The following ARHGEF4 variants were observed in gnomAD, a reference collection of about 807,000 sequenced individuals.
ARHGEF4 encodes Rho guanine nucleotide exchange factor 4.
ARHGEF4 carries 119 observed loss-of-function variants against 162.0 expected under a neutral mutation model. That is an observed-to-expected ratio of 0.73 (90% CI 0.63 to 0.86). ARHGEF4 has a LOEUF of 0.86. Among genes scored for constraint, ARHGEF4 ranks in the 40% least tolerant of loss-of-function variants. The pLI is 0.00. For synonymous variants in ARHGEF4, 1,014 were observed against 979.9 expected (o/e 1.03, Z -0.65); for missense variants, 2,488 against 2,456.0 (o/e 1.01, Z -0.28).
chr2:130,921,122 T>C (rs1016124586), intron 2 of ARHGEF4, among the ~76,000 whole-genome samples: 1 of 152,176 alleles, frequency 6.6e-6, no homozygotes, highest in Non-Finnish European at 1.5e-5. Flanking sequence ...GTGGCCTGTT[T>C]TGAGGTTTAT....
chr2:130,931,272 G>T lies in ARHGEF4; in HGVS notation c.3858+15G>T, dbSNP rs373384988. 197 of 1,584,612 alleles carry T rather than the reference G, an allele frequency of 1.2e-4. No homozygotes were observed. Among genetic ancestry groups the T allele is most frequent in the Non-Finnish European group, 1.6e-4 (189 of 1,162,822 alleles). On this transcript the variant is annotated intron_variant, in intron 3 of 13. Transcript: ENST00000409359. The stretch of plus-strand genomic sequence containing the variant: ...ATGGAGTCAAGGTAAGCCACTCCCG[G>T]CCAGGAGTCCTCAGACTTGGTCTGG...
chr2:130,868,407 A>C (rs912772515), intron 1 of ARHGEF4, among the ~76,000 whole-genome samples: 5 of 142,460 alleles, frequency 3.5e-5, no homozygotes, highest in African/African-American at 5.2e-5. Flanking sequence ...AAAGGAGAGA[A>C]CACTTCCCAG....
intron 5 of ARHGEF4, among the ~76,000 whole-genome samples, chr2:131,028,806 C>A (rs1316114498): frequency 1.3e-5 from 2 of 152,200 alleles, no homozygotes; most frequent in Non-Finnish European, 2.9e-5. Context: ...TAGCAAATGC[C>A]ATGTTCTCTA....
intron 4 of ARHGEF4, among the ~76,000 whole-genome samples, chr2:130,994,359 G>A (rs1309449997): frequency 6.6e-6 from 1 of 151,984 alleles, no homozygotes. Flanking sequence ...AGCTTGAAAT[G>A]TATACACTCT....
chr2:131,037,716 C>T (rs1690409268), intron 5 of ARHGEF4, among the ~76,000 whole-genome samples: 1 of 152,198 alleles, frequency 6.6e-6, no homozygotes, highest in Non-Finnish European at 1.5e-5. Context: ...CCATGGCGTA[C>T]AAGGGCTGCC....
intron 3 of ARHGEF4, among the ~76,000 whole-genome samples, chr2:130,932,477 G>A (rs576753318): frequency 6.6e-6 from 1 of 152,264 alleles, no homozygotes; most frequent in Admixed American, 6.5e-5. Context: ...CCAAAGTGCT[G>A]GGATTACAGG....
At chr2:130,837,034 C>T (rs956400411) in intron 1 of ARHGEF4, 42 bp downstream of exon 1, 1 of 1,225,766 alleles carries the variant, frequency 8.2e-7, no homozygotes, top group Non-Finnish European at 1.0e-6. Context: ...GCTCCCGGCG[C>T]CCTGCGCGGG....
intron 4 of ARHGEF4, among the ~76,000 whole-genome samples, chr2:130,949,740 C>T (rs557176270): frequency 2.0e-5 from 3 of 152,214 alleles, no homozygotes; most frequent in Non-Finnish European, 4.4e-5. Flanking sequence ...GCCTCCACTT[C>T]CTGGGTTCAA....
intron 1 of ARHGEF4, among the ~76,000 whole-genome samples, chr2:130,841,916 G>T (rs1311313415): frequency 2.0e-5 from 3 of 152,210 alleles, no homozygotes; most frequent in Admixed American, 2.0e-4. Context: ...AGCATGGGGG[G>T]CGCACCTGCA....
At chr2:131,042,872 G>C (rs1034038045) in intron 10 of ARHGEF4, among the ~76,000 whole-genome samples, 1 of 152,182 alleles carries the variant, frequency 6.6e-6, no homozygotes, top group Admixed American at 6.5e-5. Flanking sequence ...GGACCTTCAG[G>C]TACTCAGTGC....
intron 5 of ARHGEF4, among the ~76,000 whole-genome samples, chr2:131,036,216 T>C (rs1690268255): frequency 6.6e-6 from 1 of 152,186 alleles, no homozygotes; most frequent in African/African-American, 2.4e-5. Flanking sequence ...GGAGCATGAC[T>C]CTGATGTCCT....
intron 1 of ARHGEF4, among the ~76,000 whole-genome samples, chr2:130,847,897 C>T (rs1681108658): frequency 6.6e-6 from 1 of 152,206 alleles, no homozygotes; most frequent in Non-Finnish European, 1.5e-5. Context: ...CCCACAGCCC[C>T]TCTGAGAGGC....
Position 130,961,489 on chromosome 2 carries a change from G to A in ARHGEF4, c.3985+14854G>A, listed in dbSNP as rs112731193. Among the ~76,000 whole-genome samples, 487 of 152,304 alleles carry A rather than the reference G, an allele frequency of 3.2e-3. 1 individual carries two copies. The highest frequency in any genetic ancestry group is 5.2e-3 in the Non-Finnish European group (355 of 68,028). ...GTGGCGGCTGTGGCAGAAGTGCAGGGAGCATGGGACAGAGAGGGACAGGAG... is the reference window on the plus strand; with the variant it reads ...GTGGCGGCTGTGGCAGAAGTGCAGGAAGCATGGGACAGAGAGGGACAGGAG... On this transcript the variant is annotated intron_variant, in intron 4 of 13. Transcript: ENST00000409359.
rs1285080546 is a variant in ARHGEF4, at chr2:130,839,724, G to C, written c.39+2732G>C. ...TCTCAAAAATCCAGAGGCCCTCCCAGCATCGTGTGTGGGCCAAGCATGACT... is the reference window on the plus strand; with the variant it reads ...TCTCAAAAATCCAGAGGCCCTCCCACCATCGTGTGTGGGCCAAGCATGACT... On this transcript the variant is annotated intron_variant, in intron 1 of 13. Coordinates refer to ENST00000409359, the MANE Select transcript of ARHGEF4 (RefSeq NM_001367493.1). Among the ~76,000 whole-genome samples, 2 of 152,188 alleles carry C rather than the reference G, an allele frequency of 1.3e-5. 1 individual carries two copies. Among genetic ancestry groups the C allele is most frequent in the South Asian group, 4.1e-4 (2 of 4,832 alleles).
At chr2:130,991,194 G>C (rs1025565231) in intron 4 of ARHGEF4, among the ~76,000 whole-genome samples, 1 of 152,248 alleles carries the variant, frequency 6.6e-6, no homozygotes, top group African/African-American at 2.4e-5. Flanking sequence ...AAAGCAATGA[G>C]AGAGATGTAT....
chr2:130,855,649 T>C (rs1288186902), intron 1 of ARHGEF4, among the ~76,000 whole-genome samples: 2 of 152,160 alleles, frequency 1.3e-5, no homozygotes, highest in African/African-American at 2.4e-5. Context: ...CTATTCAGAC[T>C]CCAGTCCCCT....
rs185282740 is a variant in ARHGEF4 at position 130,886,794 on chromosome 2, T to A, written c.40-27192T>A. Among the ~76,000 whole-genome samples the A allele has an allele frequency of 2.2e-3, 335 of 152,198 alleles. 1 individual carries two copies. Among genetic ancestry groups the A allele is most frequent in the Non-Finnish European group, 2.8e-3 (190 of 68,028 alleles). ...AATAATTCAATTCCTTTAATGGTTGTTGAAGTAGTCACAATTTCTATTTCT... is the reference window on the plus strand; with the variant it reads ...AATAATTCAATTCCTTTAATGGTTGATGAAGTAGTCACAATTTCTATTTCT... On this transcript the variant is annotated intron_variant, in intron 1 of 13. Transcript: ENST00000409359.
chr2:130,930,344 T>C (rs1204693747), intron 2 of ARHGEF4, among the ~76,000 whole-genome samples: 1 of 152,174 alleles, frequency 6.6e-6, no homozygotes, highest in African/African-American at 2.4e-5. Flanking sequence ...AAAGGGTTTC[T>C]TCTCCCAGTG....
At chr2:130,905,195 T>C (rs999327818) in intron 1 of ARHGEF4, among the ~76,000 whole-genome samples, 13 of 152,254 alleles carry the variant, frequency 8.5e-5, no homozygotes, top group African/African-American at 2.9e-4. Flanking sequence ...TTCTCTATTT[T>C]CTTTTCTAAG....
Sources: gnomAD v4.1 joint callset for allele counts (sites outside exome capture counted in the v4.1 genomes callset) on GRCh38, gnomAD v4.1.1 for gene constraint, MANE v1.5 for transcripts, NCBI Gene and HGNC (gene_info 2026-07-23, HGNC 2026-07-21) for gene names.